The following RBM19 variants were observed in gnomAD, a reference collection of about 807,000 sequenced individuals.
RBM19 encodes probable RNA-binding protein 19.
RBM19 carries 94 observed loss-of-function variants against 116.8 expected under a neutral mutation model. The observed-to-expected ratio is 0.80, with a 90% CI of 0.68 to 0.95. The LOEUF is 0.95. Among genes scored for constraint, RBM19 ranks in the 40% least tolerant of loss-of-function variants. The pLI, the probability that RBM19 is intolerant of heterozygous loss-of-function variation, is 0.00. For synonymous variants in RBM19, 475 were observed against 494.1 expected (o/e 0.96, Z 0.51); for missense variants, 1,161 against 1,220.7 (o/e 0.95, Z 0.73).
intron 21 of RBM19, among the ~76,000 whole-genome samples, chr12:113,912,115 C>T (rs530021646): frequency 1.6e-3 from 251 of 152,316 alleles, no homozygotes; most frequent in African/African-American, 5.1e-3. Context: ...CACTGAGGCC[C>T]GAGTGGAAGG....
chr12:113,831,770 G>C (rs1474358521), intron 23 of RBM19, among the ~76,000 whole-genome samples: 1 of 152,210 alleles, frequency 6.6e-6, no homozygotes, highest in African/African-American at 2.4e-5. Context: ...GAGTGTGCGG[G>C]ATATTGCCGA....
In RBM19 at chr12:113,823,174, G is replaced by C. The variant is rs550852924; in HGVS notation, c.*50C>G. ...GGTGGTGAGTGCAGAAGCTGGAGCGGCTGTCCCGGTCCCCAGGGCCCCGGA... is the reference window on the plus strand; with the variant it reads ...GGTGGTGAGTGCAGAAGCTGGAGCGCCTGTCCCGGTCCCCAGGGCCCCGGA... On this transcript the variant is annotated 3_prime_UTR_variant, in exon 24 of 24. Coordinates refer to ENST00000261741, the MANE Select transcript of RBM19 (RefSeq NM_016196.4). The C allele has an allele frequency of 5.2e-6, 8 of 1,547,938 alleles. No homozygotes were observed. The South Asian group carries it at 9.0e-5, about 17-fold the overall frequency.
chr12:113,963,415 C>T (rs1393143042), intron 1 of RBM19, among the ~76,000 whole-genome samples: 1 of 152,046 alleles, frequency 6.6e-6, no homozygotes, highest in Non-Finnish European at 1.5e-5. Flanking sequence ...CATTCAGGGC[C>T]CCACGAACAG....
chr12:113,938,816 C>A (rs1387886778), intron 15 of RBM19, among the ~76,000 whole-genome samples: 3 of 152,238 alleles, frequency 2.0e-5, no homozygotes, highest in Middle Eastern at 3.4e-3. Flanking sequence ...ATGCCTGGAG[C>A]CACCAGAAGC....
intron 1 of RBM19, 131 bp downstream of exon 1, chr12:113,966,061 T>C (rs1300911471): frequency 3.9e-6 from 4 of 1,013,542 alleles, no homozygotes; most frequent in Non-Finnish European, 6.1e-6. Context: ...CCCGCCCCCT[T>C]TGAGTTCAGA....
chr12:113,884,120 A>AAAAGAAAAC (rs1555235359), intron 21 of RBM19, among the ~76,000 whole-genome samples: 1 of 145,768 alleles, frequency 6.9e-6, no homozygotes, highest in Non-Finnish European at 1.5e-5. Context: ...ACCAAAAAAA[A>AAAAGAAAAC]AAAAAAACAA....
intron 21 of RBM19, among the ~76,000 whole-genome samples, chr12:113,890,957 G>A (rs906112933): frequency 6.6e-6 from 1 of 151,930 alleles, no homozygotes; most frequent in Admixed American, 6.6e-5. Context: ...ACTATGCCTG[G>A]CTAATATTTC....
chr12:113,844,626 A>G (rs758681612), intron 23 of RBM19, 42 bp downstream of exon 23: 2 of 1,578,480 alleles, frequency 1.3e-6, no homozygotes, highest in East Asian at 2.3e-5. Context: ...TGTGTTCCCC[A>G]GGGGGCCCAT....
chr12:113,911,165 CT>C (rs1331019596), intron 21 of RBM19, among the ~76,000 whole-genome samples: 1 of 152,158 alleles, frequency 6.6e-6, no homozygotes, highest in Non-Finnish European at 1.5e-5. Flanking sequence ...CATTTCCGTC[CT>C]TGTTTGAGTG....
At chr12:113,858,574 G>A (rs1878108369) in intron 22 of RBM19, among the ~76,000 whole-genome samples, 1 of 152,188 alleles carries the variant, frequency 6.6e-6, no homozygotes, top group African/African-American at 2.4e-5. Flanking sequence ...TGAAACTAGG[G>A]GAGGGAAGGG....
intron 17 of RBM19, among the ~76,000 whole-genome samples, chr12:113,926,584 A>G (rs1869094323): frequency 2.0e-5 from 3 of 151,618 alleles, no homozygotes; most frequent in African/African-American, 7.3e-5. Context: ...CTAACCTTCT[A>G]TGTGGAGCTC....
chr12:113,921,134 AT>A lies in RBM19; in HGVS notation c.2306-445del, dbSNP rs1253779166. Among the ~76,000 whole-genome samples, 9 of 152,310 alleles carry A rather than the reference AT, an allele frequency of 5.9e-5. No homozygotes were observed. The East Asian group carries it at 1.7e-3, about 29-fold the overall frequency. On this transcript the variant is annotated intron_variant, in intron 18 of 23. Coordinates refer to ENST00000261741, the MANE Select transcript of RBM19 (RefSeq NM_016196.4). ...CAAATATTTCTCACCAGCCAATCAC[AT>A]TCAGTTTCCTGGGTTTCAGATATAA... is the stretch of plus-strand genomic sequence containing the variant.
chr12:113,842,426 G>A (rs551651292), intron 23 of RBM19, among the ~76,000 whole-genome samples: 5 of 152,252 alleles, frequency 3.3e-5, no homozygotes, highest in South Asian at 2.1e-4. Context: ...TGCACATCAG[G>A]ATTTGGGGTC....
At chr12:113,892,046 G>T (rs1880998212) in intron 21 of RBM19, among the ~76,000 whole-genome samples, 1 of 152,102 alleles carries the variant, frequency 6.6e-6, no homozygotes, top group Non-Finnish European at 1.5e-5. Context: ...GTAAAGAAAG[G>T]ATCAGCCCGG....
chr12:113,829,856 A>G (rs1313050297), intron 23 of RBM19, among the ~76,000 whole-genome samples: 2 of 152,250 alleles, frequency 1.3e-5, no homozygotes, highest in African/African-American at 2.4e-5. Context: ...CCCAGAGGAC[A>G]GGCAGTGCCC....
At chr12:113,875,028 C>CGTAG (rs1488906845) in intron 21 of RBM19, among the ~76,000 whole-genome samples, 21 of 152,216 alleles carry the variant, frequency 1.4e-4, no homozygotes, top group Admixed American at 1.2e-3. Flanking sequence ...AAAGCCAGGC[C>CGTAG]TACTGTCAAC....
chr12:113,829,836 G>A (rs1035295838), intron 23 of RBM19, among the ~76,000 whole-genome samples: 4 of 152,228 alleles, frequency 2.6e-5, no homozygotes, highest in Non-Finnish European at 5.9e-5. Context: ...AAAGGGTCCT[G>A]TGAGGCCACC....
chr12:113,954,305 A>C (rs934257458), intron 7 of RBM19, among the ~76,000 whole-genome samples: 9 of 152,288 alleles, frequency 5.9e-5, no homozygotes, highest in South Asian at 4.1e-4. Flanking sequence ...CACACACACA[A>C]AAATAATAAT....
intron 21 of RBM19, among the ~76,000 whole-genome samples, chr12:113,872,221 T>A (rs200203643): frequency 1.6e-5 from 2 of 126,560 alleles, no homozygotes; most frequent in East Asian, 3.5e-4. Flanking sequence ...GCCGAGACCC[T>A]GTCTGGGAGG....
Sources: gnomAD v4.1 joint callset for allele counts (sites outside exome capture counted in the v4.1 genomes callset) on GRCh38, gnomAD v4.1.1 for gene constraint, MANE v1.5 for transcripts, NCBI Gene and HGNC (gene_info 2026-07-23, HGNC 2026-07-21) for gene names.